The following RASA3 variants were observed in gnomAD, a reference collection of about 807,000 sequenced individuals.
The protein encoded by RASA3 is RAS p21 protein activator 3.
Under a neutral mutation model 110.0 loss-of-function variants are expected in RASA3, and 73 were observed. That is an observed-to-expected ratio of 0.66 (90% confidence interval 0.55 to 0.81). The LOEUF is 0.81. RASA3 is among the 30% of genes least tolerant of loss of function. The pLI is 0.00. For missense variants in RASA3, 976 were observed against 1,113.2 expected, an observed-to-expected ratio of 0.88 and a Z score of 1.75; for synonymous variants, 500 against 451.4, an observed-to-expected ratio of 1.11 and a Z score of -1.37.
chr13:114,059,291 C>A (rs1478401218), intron 2 of RASA3, among the ~76,000 whole-genome samples: 1 of 152,226 alleles, frequency 6.6e-6, no homozygotes, highest in African/African-American at 2.4e-5. Context: ...GCTGCTCCCC[C>A]CAACCTAATT....
chr13:114,060,704 G>A (rs1041121390), intron 2 of RASA3, among the ~76,000 whole-genome samples: 12 of 152,222 alleles, frequency 7.9e-5, no homozygotes, highest in Admixed American at 5.2e-4. Context: ...GCGCACGCCC[G>A]GAGCTCAGGC....
intron 15 of RASA3, among the ~76,000 whole-genome samples, chr13:114,012,242 G>A (rs2053650289): frequency 6.6e-6 from 1 of 151,862 alleles, no homozygotes; most frequent in African/African-American, 2.4e-5. Flanking sequence ...CCCCCAGAAC[G>A]TACACAGCTT....
intron 4 of RASA3, among the ~76,000 whole-genome samples, chr13:114,038,609 C>T (rs1594367488): frequency 6.6e-6 from 1 of 152,234 alleles, no homozygotes; most frequent in Admixed American, 6.5e-5. Flanking sequence ...CATGAATGAA[C>T]CCTTTGCTGG....
At chr13:114,073,135 G>T (rs2079602371) in intron 2 of RASA3, among the ~76,000 whole-genome samples, 1 of 151,018 alleles carries the variant, frequency 6.6e-6, no homozygotes, top group Non-Finnish European at 1.5e-5. Flanking sequence ...AAATGGGACG[G>T]TGATGTACAT....
intron 1 of RASA3, among the ~76,000 whole-genome samples, chr13:114,098,993 G>A (rs370340467): frequency 0.053 from 6,314 of 118,548 alleles, 169 homozygotes; most frequent in Middle Eastern, 0.12. Flanking sequence ...GTCGGGGCCC[G>A]GCCACCCGAG....
chr13:114,024,367 CGAGA>C lies in RASA3; in HGVS notation c.604-16_604-13del. Reference sequence around the variant, plus strand: ...CAGGGCCGGGTCACCTGGAGTCAGACGAGAGAGAAAGCGCTGAGACCGCGGTGCC... The same window carrying C: ...CAGGGCCGGGTCACCTGGAGTCAGACGAGAAAGCGCTGAGACCGCGGTGCC... On this transcript the variant is annotated splice_polypyrimidine_tract_variant and intron_variant, in intron 7 of 23. Transcript: ENST00000334062. 1 of 1,613,132 alleles carries C rather than the reference CGAGA, an allele frequency of 6.2e-7. No homozygotes were observed. Among genetic ancestry groups the C allele is most frequent in the Non-Finnish European group, 8.5e-7 (1 of 1,179,396 alleles).
chr13:114,124,583 G>A (rs1010046928), intron 1 of RASA3, among the ~76,000 whole-genome samples: 20 of 152,210 alleles, frequency 1.3e-4, no homozygotes, highest in African/African-American at 4.1e-4. Flanking sequence ...CACAGGTGAC[G>A]TAACCCTCAG....
intron 7 of RASA3, among the ~76,000 whole-genome samples, chr13:114,026,435 A>C (rs982180998): frequency 6.6e-6 from 1 of 152,228 alleles, no homozygotes; most frequent in Non-Finnish European, 1.5e-5. Flanking sequence ...GACAGAGAAC[A>C]GATTCCACCT....
chr13:114,104,946 C>T lies in RASA3; in HGVS notation c.55+27489G>A, dbSNP rs571601734. On this transcript the variant is annotated intron_variant, in intron 1 of 23. Transcript: ENST00000334062. ...CCACACACGTTCACCTGAGCATTGC[C>T]CACACCAGCGTCAGCAGCCCTCACA... Among the ~76,000 whole-genome samples the T allele has an allele frequency of 7.9e-3, 1,207 of 151,824 alleles. 13 individuals carry two copies. The highest frequency in any genetic ancestry group is 0.027 in the African/African-American group (1,102 of 41,364).
At chr13:114,091,464 G>A (rs1051779177) in intron 1 of RASA3, among the ~76,000 whole-genome samples, 1 of 151,490 alleles carries the variant, frequency 6.6e-6, no homozygotes, top group Admixed American at 6.6e-5. Context: ...AGCACTGACT[G>A]AAATAATCAT....
In RASA3 at chr13:114,000,950, A is replaced by G; in HGVS notation, c.1743-18T>C. On this transcript the variant is annotated intron_variant, in intron 18 of 23. Coordinates refer to ENST00000334062, the MANE Select transcript of RASA3 (RefSeq NM_007368.4). ...TCATGAACCTGTGTGAAGAGCACAC[A>G]GGGCCGGGGTCCGGGCCTCAGCTGC... 4 of 1,575,832 alleles carry G rather than the reference A, an allele frequency of 2.5e-6. No individual in the cohort carries two copies. Among genetic ancestry groups the G allele is most frequent in the Non-Finnish European group, 3.5e-6 (4 of 1,145,472 alleles).
Position 114,112,392 on chromosome 13 carries a change from C to T in RASA3, c.55+20043G>A, listed in dbSNP as rs1446222823. On this transcript the variant is annotated intron_variant, in intron 1 of 23. Transcript: ENST00000334062. This position sits in a 1 kb window ranked among gnomAD's most constrained non-coding sequence, Gnocchi z 4.8. ...CCTCCCCGAAGGAGCAGAAGCTCTG[C>T]GGGTGACTGTTTGGGAAGCTGGTCT... is the stretch of plus-strand genomic sequence containing the variant. Among the ~76,000 whole-genome samples the T allele has an allele frequency of 1.3e-5, 2 of 152,130 alleles. No individual in the cohort carries two copies. The highest frequency in any genetic ancestry group is 1.5e-5 in the Non-Finnish European group (1 of 68,024).
At chr13:114,044,893 G>A (rs1016767225) in intron 3 of RASA3, among the ~76,000 whole-genome samples, 10 of 152,012 alleles carry the variant, frequency 6.6e-5, no homozygotes, top group African/African-American at 2.2e-4. Flanking sequence ...ACATATTTAC[G>A]TGGATAAAAA....
rs1323058152 is a variant in RASA3, at chr13:114,132,294, A to C, written c.55+141T>G. 17 of 899,388 alleles carry C rather than the reference A, an allele frequency of 1.9e-5. No homozygotes were observed. The East Asian group carries it at 5.5e-4, about 29-fold the overall frequency. 55.7% of individuals were successfully genotyped at this position (899,388 alleles called of 1,614,324 possible). Reference sequence around the variant, plus strand: ...TGGGGAGGGGCCGCGGAGCCGGACCAGCCGTTCTCCGGGGAGCGCGCCGCG... The same window carrying C: ...TGGGGAGGGGCCGCGGAGCCGGACCCGCCGTTCTCCGGGGAGCGCGCCGCG... On this transcript the variant is annotated intron_variant, in intron 1 of 23. Coordinates refer to ENST00000334062, the MANE Select transcript of RASA3 (RefSeq NM_007368.4).
chr13:113,988,656 C>A (rs1269021115), intron 22 of RASA3, among the ~76,000 whole-genome samples: 1 of 55,126 alleles, frequency 1.8e-5, no homozygotes, highest in East Asian at 6.1e-4. Context: ...CCCTGTCCAT[C>A]CATCCATCAC....
chr13:114,049,928 G>A (rs900754506), intron 3 of RASA3, among the ~76,000 whole-genome samples: 4 of 152,248 alleles, frequency 2.6e-5, no homozygotes, highest in Admixed American at 2.6e-4. Context: ...CACCCATGCC[G>A]CGGGGTCGGA....
chr13:114,058,449 C>T (rs2079282487), intron 2 of RASA3, among the ~76,000 whole-genome samples: 2 of 152,282 alleles, frequency 1.3e-5, no homozygotes, highest in African/African-American at 2.4e-5. Context: ...GACTTGTGGT[C>T]ACCAGACCGG....
At chr13:114,064,839 G>A (rs947886289) in intron 2 of RASA3, among the ~76,000 whole-genome samples, 5 of 152,234 alleles carry the variant, frequency 3.3e-5, no homozygotes, top group Non-Finnish European at 7.3e-5. Flanking sequence ...CCCACTCACC[G>A]CCCGAGGGCT....
intron 8 of RASA3, among the ~76,000 whole-genome samples, chr13:114,023,663 G>A (rs1047872953): frequency 5.3e-5 from 8 of 152,214 alleles, no homozygotes; most frequent in Admixed American, 3.9e-4. Context: ...GCCTGAGATC[G>A]CGTCCTGACC....
Sources: gnomAD v4.1 joint callset for allele counts (sites outside exome capture counted in the v4.1 genomes callset) on GRCh38, gnomAD v4.1.1 for gene constraint, Gnocchi (gnomAD v3.1) non-coding constraint, MANE v1.5 for transcripts, NCBI Gene and HGNC (gene_info 2026-07-23, HGNC 2026-07-21) for gene names.